SLX4IP: variants seen among roughly 807,000 people sequenced by gnomAD.
SLX4IP encodes the protein SLX4 interacting protein.
Under a neutral mutation model 32.9 loss-of-function variants are expected in SLX4IP, and 34 were observed. That is an observed-to-expected ratio of 1.03 (90% CI 0.79 to 1.38). SLX4IP has a LOEUF of 1.38. Among genes scored for constraint, SLX4IP ranks in the 40% most tolerant of loss-of-function variants. The pLI is 0.00. For synonymous variants in SLX4IP, 172 were observed against 171.7 expected, an observed-to-expected ratio of 1.00 and a Z score of -0.01; for missense variants, 444 against 479.0, an observed-to-expected ratio of 0.93 and a Z score of 0.68.
At chr20:10,472,758 G>A (rs2065436599) in intron 2 of SLX4IP, among the ~76,000 whole-genome samples, 1 of 152,164 alleles carries the variant, frequency 6.6e-6, no homozygotes, top group East Asian at 1.9e-4. Context: ...GTCCATCTTA[G>A]CACAGAGTCA....
chr20:10,502,399 C>T (rs762158303), intron 2 of SLX4IP, among the ~76,000 whole-genome samples: 58 of 152,174 alleles, frequency 3.8e-4, no homozygotes, highest in Non-Finnish European at 5.0e-4. Flanking sequence ...GGTATTGATC[C>T]AGGCCATCTT....
chr20:10,476,597 G>A (rs1040644336), intron 2 of SLX4IP, among the ~76,000 whole-genome samples: 14 of 152,162 alleles, frequency 9.2e-5, no homozygotes, highest in Non-Finnish European at 1.3e-4. Flanking sequence ...TTCCCATAAT[G>A]ACTGATTCTC....
chr20:10,593,011 C>G (rs2066730590), intron 4 of SLX4IP, among the ~76,000 whole-genome samples: 1 of 152,148 alleles, frequency 6.6e-6, no homozygotes, highest in African/African-American at 2.4e-5. Context: ...TGGTATCAGC[C>G]TCTTTCTTCC....
intron 6 of SLX4IP, chr20:10,614,125 G>T (rs547930222): frequency 1.4e-6 from 2 of 1,451,580 alleles, no homozygotes; most frequent in Non-Finnish European, 1.9e-6. Flanking sequence ...TAGCCTCGTC[G>T]GACCTCGCCA....
In SLX4IP at chr20:10,622,087, T is replaced by C. The variant is rs1180795120; in HGVS notation, c.507-572T>C. Among the ~76,000 whole-genome samples, 3 of 152,368 alleles carry C rather than the reference T, an allele frequency of 2.0e-5. No homozygotes were observed. The East Asian group carries it at 5.8e-4, about 29-fold the overall frequency. On this transcript the variant is annotated intron_variant, in intron 7 of 7. Transcript: ENST00000334534. ...TTCCACGATTGTATTTTATTGCCTTTCATGCTGACTATCTGAAATTTCTTC... is the reference window on the plus strand; with the variant it reads ...TTCCACGATTGTATTTTATTGCCTTCCATGCTGACTATCTGAAATTTCTTC...
intron 1 of SLX4IP, among the ~76,000 whole-genome samples, chr20:10,453,307 C>T (rs1211400476): frequency 7.0e-6 from 1 of 142,886 alleles, no homozygotes; most frequent in Non-Finnish European, 1.5e-5. Context: ...AAAACTCATC[C>T]GTGTGTGTGT....
chr20:10,600,509 A>T (rs2066828915), intron 5 of SLX4IP, among the ~76,000 whole-genome samples: 1 of 152,190 alleles, frequency 6.6e-6, no homozygotes, highest in African/African-American at 2.4e-5. Context: ...GGTTGATGGG[A>T]TAAGGAGAGA....
intron 4 of SLX4IP, among the ~76,000 whole-genome samples, chr20:10,594,853 C>G (rs1015922819): frequency 6.6e-6 from 1 of 152,128 alleles, no homozygotes; most frequent in African/African-American, 2.4e-5. Context: ...AGTAGGAGGA[C>G]TGTGGTTTGT....
intron 1 of SLX4IP, among the ~76,000 whole-genome samples, chr20:10,454,802 T>C (rs2065271119): frequency 6.6e-6 from 1 of 152,212 alleles, no homozygotes; most frequent in African/African-American, 2.4e-5. Context: ...GGCAACTCTT[T>C]AAATTTTGAA....
At chr20:10,454,430 C>G (rs1206917598) in intron 1 of SLX4IP, among the ~76,000 whole-genome samples, 1 of 152,110 alleles carries the variant, frequency 6.6e-6, no homozygotes, top group African/African-American at 2.4e-5. Context: ...TATTTGTATT[C>G]CCTAATGTCT....
Position 10,623,399 on chromosome 20 carries a change from G to T in SLX4IP, c.*20G>T, listed in dbSNP as rs371493652. On this transcript the variant is annotated 3_prime_UTR_variant, in exon 8 of 8. Coordinates refer to ENST00000334534, the MANE Select transcript of SLX4IP (RefSeq NM_001009608.3). ...CATTAACACCGAAGAGGTTTGTACC[G>T]TTGGAGTTGAGGACATAGTGGCCAA... 1.9e-6 allele frequency: 3 copies of T among 1,584,688 alleles called. No individual in the cohort carries two copies. In the Admixed American group the frequency reaches 5.5e-5, roughly 29 times the overall value.
chr20:10,601,725 A>T lies in SLX4IP; in HGVS notation c.317-6A>T, dbSNP rs745962560. ...CTTTAAACTTGTTTTTCTTCATTTTATACAGAACTCTGTGTATTCCCTGAC... is the reference window on the plus strand; with the variant it reads ...CTTTAAACTTGTTTTTCTTCATTTTTTACAGAACTCTGTGTATTCCCTGAC... On this transcript the variant is annotated splice_polypyrimidine_tract_variant and splice_region_variant and intron_variant, in intron 5 of 7. Transcript: ENST00000334534. The T allele has an allele frequency of 6.2e-7, 1 of 1,613,134 alleles. No individual in the cohort carries two copies. The highest frequency in any genetic ancestry group is 8.5e-7 in the Non-Finnish European group (1 of 1,179,226).
Position 10,560,838 on chromosome 20 carries a change from T to A in SLX4IP, c.238+18T>A. ...CTTAAAAGGTAGGCACAGAGCACTT[T>A]GATTTTGGACAAAAAATAAATAGAA... On this transcript the variant is annotated intron_variant, in intron 4 of 7. Coordinates refer to ENST00000334534, the MANE Select transcript of SLX4IP (RefSeq NM_001009608.3). 6.5e-7 allele frequency: 1 copy of A among 1,547,926 alleles called. No individual in the cohort carries two copies. Among genetic ancestry groups the A allele is most frequent in the Non-Finnish European group, 8.7e-7 (1 of 1,151,508 alleles).
At chr20:10,486,437 T>C (rs1215217590) in intron 2 of SLX4IP, among the ~76,000 whole-genome samples, 1 of 152,174 alleles carries the variant, frequency 6.6e-6, no homozygotes, top group East Asian at 1.9e-4. Context: ...AATCAAGAAC[T>C]GAAAGAGATG....
intron 2 of SLX4IP, among the ~76,000 whole-genome samples, chr20:10,476,604 T>C (rs902096066): frequency 1.3e-5 from 2 of 152,196 alleles, no homozygotes; most frequent in East Asian, 1.9e-4. Flanking sequence ...AATGACTGAT[T>C]CTCCACCTGC....
intron 2 of SLX4IP, among the ~76,000 whole-genome samples, chr20:10,549,739 T>A (rs1158464540): frequency 6.6e-6 from 1 of 152,200 alleles, no homozygotes; most frequent in Non-Finnish European, 1.5e-5. Context: ...CTTCCTTATC[T>A]ACGAAATGCA....
chr20:10,603,384 A>G (rs1024246879), intron 6 of SLX4IP, among the ~76,000 whole-genome samples: 3 of 152,214 alleles, frequency 2.0e-5, no homozygotes, highest in Admixed American at 1.3e-4. Flanking sequence ...TATAAATCCT[A>G]TAATCTGGAG....
chr20:10,592,782 G>C (rs772044506), intron 4 of SLX4IP, among the ~76,000 whole-genome samples: 30 of 151,496 alleles, frequency 2.0e-4, no homozygotes, highest in Non-Finnish European at 4.3e-4. Flanking sequence ...CTACAGGTGC[G>C]TGCCACCACG....
chr20:10,534,521 G>A (rs1050317965), intron 2 of SLX4IP, among the ~76,000 whole-genome samples: 24 of 152,308 alleles, frequency 1.6e-4, no homozygotes, highest in African/African-American at 5.8e-4. Flanking sequence ...GAAGGTTTCC[G>A]TAAAGAAGGA....
Sources: gnomAD v4.1 joint callset for allele counts (sites outside exome capture counted in the v4.1 genomes callset) on GRCh38, gnomAD v4.1.1 for gene constraint, MANE v1.5 for transcripts, NCBI Gene and HGNC (gene_info 2026-07-23, HGNC 2026-07-21) for gene names.